SDK1: variants seen among roughly 807,000 people sequenced by gnomAD.
SDK1 encodes the protein protein sidekick-1.
Under a neutral mutation model 245.5 loss-of-function variants are expected in SDK1, and 157 were observed. The observed-to-expected ratio is 0.64, with a 90% CI of 0.56 to 0.73. The LOEUF (loss-of-function observed/expected upper bound fraction) is 0.73. Ranked by LOEUF, SDK1 falls within the 30% of genes least tolerant of loss-of-function variation. The probability of loss-of-function intolerance (pLI) is 0.00; values close to 1 mark genes in which losing one functional copy is unlikely to be tolerated. For missense variants in SDK1, 3,583 were observed against 3,002.3 expected, an observed-to-expected ratio of 1.19 and a Z score of -4.52; for synonymous variants, 1,647 against 1,278.5, an observed-to-expected ratio of 1.29 and a Z score of -6.15.
At chr7:3,916,481 T>C (rs1444382428) in intron 5 of SDK1, among the ~76,000 whole-genome samples, 3 of 152,310 alleles carry the variant, frequency 2.0e-5, no homozygotes, top group East Asian at 3.9e-4. Context: ...AGGGGTTTAT[T>C]TGAACTCTTG....
At chr7:3,791,969 CA>C (rs796088507) in intron 4 of SDK1, among the ~76,000 whole-genome samples, 3 of 149,162 alleles carry the variant, frequency 2.0e-5, no homozygotes, top group African/African-American at 7.4e-5. Flanking sequence ...CCAAAAAATG[CA>C]AAAAAAAATT....
intron 5 of SDK1, among the ~76,000 whole-genome samples, chr7:3,873,115 C>G (rs1205879870): frequency 6.6e-6 from 1 of 152,104 alleles, no homozygotes; most frequent in Non-Finnish European, 1.5e-5. Context: ...TTTAATGTTT[C>G]ATGAAGAGTA....
chr7:3,929,966 G>T (rs1053861356), intron 5 of SDK1, among the ~76,000 whole-genome samples: 7 of 152,078 alleles, frequency 4.6e-5, no homozygotes, highest in African/African-American at 1.7e-4. Context: ...CTGAAAGCAT[G>T]GTGTTTTTAT....
intron 4 of SDK1, among the ~76,000 whole-genome samples, chr7:3,810,700 A>G (rs1779362557): frequency 6.6e-6 from 1 of 152,198 alleles, no homozygotes; most frequent in Non-Finnish European, 1.5e-5. Context: ...TGTCCCTCCT[A>G]CTAGACAGCA....
At chr7:3,417,374 C>T (rs560493667) in intron 1 of SDK1, among the ~76,000 whole-genome samples, 1 of 152,324 alleles carries the variant, frequency 6.6e-6, no homozygotes, top group East Asian at 1.9e-4. Flanking sequence ...GTCTGACCAT[C>T]TTAGTTCTCA....
chr7:3,965,018 C>T (rs1781986208), intron 9 of SDK1, among the ~76,000 whole-genome samples: 1 of 152,166 alleles, frequency 6.6e-6, no homozygotes, highest in South Asian at 2.1e-4. Flanking sequence ...ATCTTGCAAT[C>T]GTGAGCTGGG....
chr7:3,351,042 C>G (rs1355588899), intron 1 of SDK1, among the ~76,000 whole-genome samples: 1 of 152,116 alleles, frequency 6.6e-6, no homozygotes, highest in Non-Finnish European at 1.5e-5. Context: ...GATAATATAT[C>G]TTAGTTTCAC....
intron 1 of SDK1, among the ~76,000 whole-genome samples, chr7:3,390,987 A>G (rs995270818): frequency 4.6e-5 from 7 of 152,204 alleles, no homozygotes; most frequent in African/African-American, 1.4e-4. Flanking sequence ...CACAGAGCCA[A>G]TGTCTATACT....
chr7:4,101,469 C>G (rs549907800), intron 22 of SDK1, among the ~76,000 whole-genome samples: 2 of 152,168 alleles, frequency 1.3e-5, no homozygotes, highest in Non-Finnish European at 2.9e-5. Flanking sequence ...TTTTTTAAAA[C>G]TCACCGATCT....
chr7:3,653,989 C>G (rs542608624), intron 4 of SDK1, among the ~76,000 whole-genome samples: 3 of 152,122 alleles, frequency 2.0e-5, no homozygotes, highest in African/African-American at 7.2e-5. Flanking sequence ...TATATGCCGC[C>G]CCTCAAAAAA....
At chr7:4,078,780 G>C (rs1430732700) in intron 21 of SDK1, among the ~76,000 whole-genome samples, 2 of 152,170 alleles carry the variant, frequency 1.3e-5, no homozygotes, top group Admixed American at 1.3e-4. Flanking sequence ...GAGTAGGCTT[G>C]AGCCACGGGC....
chr7:3,640,678 C>G (rs948510201), intron 3 of SDK1, among the ~76,000 whole-genome samples: 1 of 151,962 alleles, frequency 6.6e-6, no homozygotes, highest in African/African-American at 2.4e-5. Context: ...ATCTCTAGCT[C>G]TTCAATTTTT....
intron 18 of SDK1, among the ~76,000 whole-genome samples, chr7:4,049,723 T>C (rs577022758): frequency 2.0e-5 from 3 of 152,326 alleles, no homozygotes; most frequent in African/African-American, 7.2e-5. Context: ...CATTTTTAAA[T>C]GGTGGGTGGG....
At chr7:3,988,057 C>G (rs1784007820) in intron 14 of SDK1, among the ~76,000 whole-genome samples, 1 of 151,664 alleles carries the variant, frequency 6.6e-6, no homozygotes, top group Non-Finnish European at 1.5e-5. Context: ...TGGGGCCCAG[C>G]AACTTGACAT....
chr7:3,380,202 T>C (rs1304068083), intron 1 of SDK1, among the ~76,000 whole-genome samples: 1 of 152,242 alleles, frequency 6.6e-6, no homozygotes, highest in Non-Finnish European at 1.5e-5. Flanking sequence ...ATGCAGAGTT[T>C]GTCACTAGGT....
chr7:3,783,883 C>A (rs1399697112), intron 4 of SDK1, among the ~76,000 whole-genome samples: 1 of 151,172 alleles, frequency 6.6e-6, no homozygotes, highest in Non-Finnish European at 1.5e-5. Context: ...AAAAATACCC[C>A]CAAATAGCCA....
At chr7:3,860,701 C>G (rs1452069973) in intron 5 of SDK1, among the ~76,000 whole-genome samples, 3 of 152,120 alleles carry the variant, frequency 2.0e-5, no homozygotes, top group Non-Finnish European at 4.4e-5. Flanking sequence ...CCTCCTCTCC[C>G]CTTGGAGGCC....
At chr7:4,113,496 A>G (rs1266290360) in intron 24 of SDK1, 57 bp downstream of exon 24, 33 of 1,584,404 alleles carry the variant, frequency 2.1e-5, no homozygotes, top group African/African-American at 6.7e-5. Context: ...GAGCCAGGGC[A>G]CACACTAATC....
chr7:3,414,374 C>A (rs993537138), intron 1 of SDK1, among the ~76,000 whole-genome samples: 1 of 152,010 alleles, frequency 6.6e-6, no homozygotes, highest in African/African-American at 2.4e-5. Context: ...ATCTGAGAAC[C>A]CTGACTTCTG....
Sources: allele counts gnomAD v4.1 joint callset (sites outside exome capture counted in the v4.1 genomes callset), GRCh38; gene constraint gnomAD v4.1.1; transcripts MANE v1.5; gene names NCBI Gene and HGNC (gene_info 2026-07-23, HGNC 2026-07-21).